Variants in LRRC34 observed in about 807,000 individuals in gnomAD.
LRRC34 encodes the protein leucine-rich repeat-containing protein 34.
Under a neutral mutation model 48.5 loss-of-function variants are expected in LRRC34, and 44 were observed. That is an observed-to-expected ratio of 0.91 (90% CI 0.71 to 1.17). The LOEUF is 1.17. Ranked by LOEUF, LRRC34 falls within the 50% of genes most tolerant of loss-of-function variation. The pLI is 0.00. For synonymous variants in LRRC34, 192 were observed against 197.6 expected (o/e 0.97, Z 0.24); for missense variants, 502 against 563.0 (o/e 0.89, Z 1.10).
At chr3:169,797,802 C>G (rs1488741982) in intron 7 of LRRC34, among the ~76,000 whole-genome samples, 2 of 152,256 alleles carry the variant, frequency 1.3e-5, no homozygotes, top group Non-Finnish European at 2.9e-5. Context: ...ACTAGCTCTA[C>G]CTTTTACTGG....
In LRRC34 at chr3:169,800,730, C is replaced by A. The variant is rs564112762; in HGVS notation, c.682G>T (p.Ala228Ser). Residue 228 changes from alanine to serine, a missense_variant, in exon 7 of 11, where the codon GCT becomes TCT. By Grantham distance (99) the Ala-to-Ser change is moderately conservative. Coordinates refer to ENST00000446859, the MANE Select transcript of LRRC34 (RefSeq NM_001172779.2). ...DLGMQSVIAF[A>S]TVLTQNQAIK... ...GCTTGGTTTTGAGTTAGTACTGTAGCAAATGCTATCACACTTTGCATTCCC... is the reference window on the plus strand; with the variant it reads ...GCTTGGTTTTGAGTTAGTACTGTAGAAAATGCTATCACACTTTGCATTCCC... The A allele has an allele frequency of 1.3e-6, 2 of 1,535,118 alleles. No homozygotes were observed. The highest frequency in any genetic ancestry group is 2.0e-5 in the Admixed American group (1 of 50,960).
In LRRC34 at chr3:169,804,093, T is replaced by C. The variant is rs1180646003; in HGVS notation, c.617A>G (p.Asn206Ser). The C allele has an allele frequency of 6.2e-7, 1 of 1,602,570 alleles. No individual in the cohort carries two copies. Among genetic ancestry groups the C allele is most frequent in the Non-Finnish European group, 8.5e-7 (1 of 1,174,198 alleles). Residue 206 changes from asparagine to serine, a missense_variant, in exon 6 of 11, where the codon AAT (asparagine) becomes AGT (serine). By Grantham distance (46) the Asn-to-Ser change is conservative (BLOSUM62 1). Transcript: ENST00000446859. Reference protein sequence around the residue: ...GMFFAAMLQINSSLEKLDLGD... With the variant: ...GMFFAAMLQISSSLEKLDLGD... The stretch of plus-strand genomic sequence containing the variant: ...CAGATCTAATTTCTCTAATGATGAA[T>C]TAATTTGCAGCATTGCAGCAAAAAA...
At chr3:169,796,412 G>T in intron 8 of LRRC34, 43 bp from the exon 9 acceptor site, 1 of 1,569,332 alleles carries the variant, frequency 6.4e-7, no homozygotes, top group South Asian at 1.2e-5. Context: ...ATGAAATAGT[G>T]TTTTTATTCA....
At chr3:169,794,527 C>G (rs1304659463) in intron 10 of LRRC34, 1 of 152,330 alleles carries the variant, frequency 6.6e-6, no homozygotes, top group Non-Finnish European at 1.5e-5. Context: ...ATTCTCCTGC[C>G]TCAGCCTCCC....
intron 6 of LRRC34, among the ~76,000 whole-genome samples, chr3:169,802,185 T>C (rs1309226658): frequency 6.6e-6 from 1 of 152,222 alleles, no homozygotes; most frequent in Non-Finnish European, 1.5e-5. Flanking sequence ...AAACTTTGTA[T>C]CACTGCTGTA....
chr3:169,802,372 T>A (rs1369624846), intron 6 of LRRC34, among the ~76,000 whole-genome samples: 2 of 152,202 alleles, frequency 1.3e-5, no homozygotes, highest in Admixed American at 1.3e-4. Flanking sequence ...ATGGACACTC[T>A]CCATGAGTTT....
At position 169,793,721 on chromosome 3, in the gene LRRC34, A is replaced by T; in HGVS notation, c.1309T>A (p.Tyr437Asn). ...TCTCCATAAGTTGATGTCCAATAAT[A>T]ATGCTTTTTAAGGCCATTGGAGACT... ...AEVSNGLKKH[Y>N]YWTSTYGESY... The change falls in exon 11 of 11, where the codon TAT becomes AAT. Residue 437 changes from tyrosine (Y) to asparagine (N), a missense_variant. Coordinates refer to ENST00000446859, the MANE Select transcript of LRRC34 (RefSeq NM_001172779.2). 2 of 1,613,762 alleles carry T rather than the reference A, an allele frequency of 1.2e-6. No homozygotes were observed. Among genetic ancestry groups the T allele is most frequent in the East Asian group, 2.2e-5 (1 of 44,804 alleles).
chr3:169,806,093 A>T (rs1779362684), intron 5 of LRRC34, among the ~76,000 whole-genome samples: 1 of 152,206 alleles, frequency 6.6e-6, no homozygotes, highest in Non-Finnish European at 1.5e-5. Flanking sequence ...ATACAGATTA[A>T]AAGAATAGAA....
At chr3:169,793,937 G>A in intron 10 of LRRC34, 99 bp from the exon 11 acceptor site, 1 of 748,398 alleles carries the variant, frequency 1.3e-6, no homozygotes, top group Non-Finnish European at 2.1e-6. Flanking sequence ...GTGCTAATTT[G>A]TAGTTTAAAA....
At chr3:169,796,160 G>T in intron 9 of LRRC34, 54 bp downstream of exon 9, 1 of 1,543,116 alleles carries the variant, frequency 6.5e-7, no homozygotes. Flanking sequence ...ATTGAGGTTA[G>T]TATTTAAAAA....
At chr3:169,806,704 C>T (rs1294895520) in intron 5 of LRRC34, 144 bp downstream of exon 5, 9 of 555,912 alleles carry the variant, frequency 1.6e-5, no homozygotes, top group Non-Finnish European at 2.6e-5. Flanking sequence ...AATGTCTACA[C>T]TTGAATAAAT....
At chr3:169,809,641 G>A (rs1779495386) in intron 1 of LRRC34, among the ~76,000 whole-genome samples, 1 of 152,134 alleles carries the variant, frequency 6.6e-6, no homozygotes, top group African/African-American at 2.4e-5. Context: ...TAGAAGTACA[G>A]GCCACTGTCT....
At chr3:169,802,379 GT>G in intron 6 of LRRC34, among the ~76,000 whole-genome samples, 1 of 152,276 alleles carries the variant, frequency 6.6e-6, no homozygotes, top group East Asian at 1.9e-4. Context: ...CTCTCCATGA[GT>G]TTTTTCTCAT....
rs535479356 is a variant in LRRC34 at position 169,808,971 on chromosome 3, T to C, written c.140-226A>G. The stretch of plus-strand genomic sequence containing the variant: ...AGAACTAGGGCCATTGAAGCACCCA[T>C]TGAGGCTTGGCAGACACTGGCTCAA... On this transcript the variant is annotated intron_variant, in intron 1 of 10. Coordinates refer to ENST00000446859, the MANE Select transcript of LRRC34 (RefSeq NM_001172779.2). 3.4e-4 allele frequency among the ~76,000 whole-genome samples: 52 copies of C among 152,272 alleles called. No homozygotes were observed. The South Asian group carries it at 8.3e-3, about 24-fold the overall frequency.
In LRRC34 at chr3:169,796,307, AG is replaced by A. The variant is rs932800860; in HGVS notation, c.970del (p.Leu324TrpfsTer3). Reference sequence around the variant, plus strand: ...GTTAAAGGAAAGATCTATTACTTCCAGGGTAGTGTTGCTTTTCAGTACATCA... The same window carrying A: ...GTTAAAGGAAAGATCTATTACTTCCAGGTAGTGTTGCTTTTCAGTACATCA... ...LADVLKSNTT[L>X]EVIDLSFNRI... On this transcript the variant is annotated frameshift_variant, in exon 9 of 11. Transcript: ENST00000446859. LOFTEE classifies it high-confidence loss of function. 5 of 1,612,300 alleles carry A rather than the reference AG, an allele frequency of 3.1e-6. No homozygotes were observed. Among genetic ancestry groups the A allele is most frequent in the Admixed American group, 1.7e-5 (1 of 59,542 alleles).
At chr3:169,805,197 T>G (rs1779329577) in intron 5 of LRRC34, among the ~76,000 whole-genome samples, 1 of 152,028 alleles carries the variant, frequency 6.6e-6, no homozygotes, top group African/African-American at 2.4e-5. Flanking sequence ...ACCATACAAA[T>G]TGGAAATGAA....
At chr3:169,810,363 T>G (rs1411987097) in intron 1 of LRRC34, among the ~76,000 whole-genome samples, 1 of 152,256 alleles carries the variant, frequency 6.6e-6, no homozygotes, top group Non-Finnish European at 1.5e-5. Context: ...TATTAAGTAT[T>G]TTTTAAACAA....
At chr3:169,796,658 A>G in intron 8 of LRRC34, 87 bp downstream of exon 8, 1 of 1,342,368 alleles carries the variant, frequency 7.4e-7, no homozygotes, top group Non-Finnish European at 1.0e-6. Flanking sequence ...AATAATGTCT[A>G]ACAACGTATC....
chr3:169,812,709 T>C lies in LRRC34; in HGVS notation c.-161A>G. The C allele has an allele frequency of 3.6e-6, 4 of 1,123,956 alleles. No individual in the cohort carries two copies. Among genetic ancestry groups the C allele is most frequent in the Non-Finnish European group, 4.7e-6 (4 of 847,986 alleles). The allele number at this position is 1,123,956 out of a possible 1,614,324, so 69.6% of individuals were successfully genotyped here. On this transcript the variant is annotated 5_prime_UTR_variant, in exon 1 of 11. Transcript: ENST00000446859. The surrounding 1 kb of genome is among the most constrained non-coding windows in gnomAD (Gnocchi z 4.3). ...ACTCTGTGGAGGTCCTTTGTCACCC[T>C]GCCCTGGTTAAAGGCAGCCTGAGGG...
Sources: gnomAD v4.1 joint callset for allele counts (sites outside exome capture counted in the v4.1 genomes callset) on GRCh38, gnomAD v4.1.1 for gene constraint, Gnocchi (gnomAD v3.1) non-coding constraint, MANE v1.5 for transcripts, NCBI Gene and HGNC (gene_info 2026-07-23, HGNC 2026-07-21) for gene names.